EPSTI1: variants seen among roughly 807,000 people sequenced by gnomAD.
EPSTI1 encodes the protein epithelial stromal interaction 1, also known as epithelial-stromal interaction protein 1.
Under a neutral mutation model 49.9 loss-of-function variants are expected in EPSTI1, and 66 were observed. The observed-to-expected ratio is 1.32, with a 90% confidence interval of 1.08 to 1.62. The LOEUF (loss-of-function observed/expected upper bound fraction) is 1.62, where lower values mean the gene tolerates loss of function less well. Among genes scored for constraint, EPSTI1 ranks in the 40% most tolerant of loss-of-function variants. The probability of loss-of-function intolerance (pLI) is 0.00; values close to 1 mark genes in which losing one functional copy is unlikely to be tolerated. For missense variants in EPSTI1, 394 were observed against 365.5 expected (o/e 1.08, Z -0.64); for synonymous variants, 137 against 130.7 (o/e 1.05, Z -0.33).
intron 9 of EPSTI1, among the ~76,000 whole-genome samples, chr13:42,900,027 T>C (rs1200559545): frequency 6.6e-6 from 1 of 152,182 alleles, no homozygotes; most frequent in African/African-American, 2.4e-5. Context: ...AAATTAAATA[T>C]ACCTTAATTG....
At chr13:42,906,345 CAA>C (rs2037498686) in intron 8 of EPSTI1, among the ~76,000 whole-genome samples, 1 of 152,144 alleles carries the variant, frequency 6.6e-6, no homozygotes, top group Non-Finnish European at 1.5e-5. Flanking sequence ...TGCTCCAAAG[CAA>C]AGTTTCAGTG....
Position 42,931,072 on chromosome 13 carries a change from C to T in EPSTI1, c.564-4643G>A, listed in dbSNP as rs564548779. ...ATGTATGGGCCAGGCTGAAGTGATC[C>T]ACATCAATAACCTCTCACAGCATTC... On this transcript the variant is annotated intron_variant, in intron 6 of 10. Transcript: ENST00000313624. 3.3e-5 allele frequency among the ~76,000 whole-genome samples: 5 copies of T among 152,300 alleles called. No homozygotes were observed. In the East Asian group the frequency reaches 7.7e-4, roughly 23 times the overall value.
At chr13:42,902,512 C>T (rs1038400420) in intron 8 of EPSTI1, among the ~76,000 whole-genome samples, 1 of 152,110 alleles carries the variant, frequency 6.6e-6, no homozygotes, top group African/African-American at 2.4e-5. Context: ...TTCTTTTGCT[C>T]TTGTTGGCTT....
intron 6 of EPSTI1, among the ~76,000 whole-genome samples, chr13:42,944,664 A>G (rs1054251097): frequency 3.3e-5 from 5 of 152,200 alleles, no homozygotes; most frequent in Admixed American, 2.6e-4. Context: ...AAATTAAAGT[A>G]TGATAAAAAA....
intron 7 of EPSTI1, among the ~76,000 whole-genome samples, chr13:42,919,080 G>A (rs1028927883): frequency 1.3e-5 from 2 of 152,172 alleles, no homozygotes; most frequent in African/African-American, 4.8e-5. Context: ...CAACTTGAAT[G>A]AGAGTATCTA....
At chr13:42,974,384 G>C (rs186316021) in intron 1 of EPSTI1, among the ~76,000 whole-genome samples, 2,623 of 152,132 alleles carry the variant, frequency 0.017, 76 homozygotes, top group African/African-American at 0.06. Flanking sequence ...CTGGCCGGGC[G>C]CGGTGGCTCA....
At chr13:42,939,470 T>C (rs1467650107) in intron 6 of EPSTI1, among the ~76,000 whole-genome samples, 1 of 152,168 alleles carries the variant, frequency 6.6e-6, no homozygotes, top group African/African-American at 2.4e-5. Context: ...TTATGGGCCA[T>C]TGTAGGGTTA....
chr13:42,895,408 C>T (rs1333641062), intron 9 of EPSTI1, among the ~76,000 whole-genome samples: 2 of 151,644 alleles, frequency 1.3e-5, no homozygotes, highest in South Asian at 2.1e-4. Flanking sequence ...AACTACAGCC[C>T]TCAGAATCAT....
chr13:42,989,848 C>A (rs2040162722), intron 1 of EPSTI1, among the ~76,000 whole-genome samples: 1 of 151,942 alleles, frequency 6.6e-6, no homozygotes, highest in Non-Finnish European at 1.5e-5. Context: ...CCTCCTCGGC[C>A]TCCCAAAGTG....
intron 6 of EPSTI1, among the ~76,000 whole-genome samples, chr13:42,930,561 G>A (rs1176071269): frequency 6.6e-6 from 1 of 152,190 alleles, no homozygotes; most frequent in Non-Finnish European, 1.5e-5. Flanking sequence ...ACATGAAAGT[G>A]AGTAGTAATG....
rs1594591160 is a variant in EPSTI1, at chr13:42,888,203, C to T, written c.*291G>A. On this transcript the variant is annotated 3_prime_UTR_variant, in exon 11 of 11. Coordinates refer to ENST00000313624, the MANE Select transcript of EPSTI1 (RefSeq NM_033255.5). ...TGATTAACCTGAAAGCATCAAGTGA[C>T]TCCCTCTTTTTCTACCCTACCAACA... The T allele has an allele frequency of 1.9e-6, 3 of 1,598,698 alleles. No individual in the cohort carries two copies. Among genetic ancestry groups the T allele is most frequent in the Non-Finnish European group, 2.6e-6 (3 of 1,170,356 alleles).
intron 8 of EPSTI1, among the ~76,000 whole-genome samples, chr13:42,906,437 T>A (rs1020129084): frequency 5.9e-5 from 9 of 152,322 alleles, no homozygotes; most frequent in African/African-American, 2.2e-4. Context: ...TGGTTCAGCT[T>A]GACTGCTTTA....
At chr13:42,950,975 G>A (rs2039077761) in intron 6 of EPSTI1, among the ~76,000 whole-genome samples, 1 of 152,156 alleles carries the variant, frequency 6.6e-6, no homozygotes, top group African/African-American at 2.4e-5. Context: ...TGGCCAACAT[G>A]GTGAAACCCT....
chr13:42,919,652 A>G (rs909431615), intron 7 of EPSTI1, among the ~76,000 whole-genome samples: 4 of 152,242 alleles, frequency 2.6e-5, no homozygotes, highest in African/African-American at 9.6e-5. Context: ...GTTACAGTAC[A>G]GCATGATAGG....
intron 6 of EPSTI1, among the ~76,000 whole-genome samples, chr13:42,926,754 C>T (rs1460105727): frequency 2.0e-5 from 3 of 152,144 alleles, no homozygotes; most frequent in East Asian, 3.9e-4. Flanking sequence ...GCCCTAATTT[C>T]CTATCTGAAC....
intron 1 of EPSTI1, among the ~76,000 whole-genome samples, chr13:42,982,005 T>C (rs1285512048): frequency 6.6e-6 from 1 of 152,200 alleles, no homozygotes; most frequent in Non-Finnish European, 1.5e-5. Context: ...AGATAACTGC[T>C]CTAATGTCAG....
At chr13:42,969,266 A>G (rs2039706905) in intron 2 of EPSTI1, 89 bp from the exon 3 acceptor site, 1 of 1,284,052 alleles carries the variant, frequency 7.8e-7, no homozygotes, top group African/African-American at 1.5e-5. Flanking sequence ...AACTATTAGA[A>G]GGCAATTAAC....
chr13:42,959,952 T>C (rs1348879694), intron 5 of EPSTI1, among the ~76,000 whole-genome samples: 1 of 152,212 alleles, frequency 6.6e-6, no homozygotes. Context: ...CAATATAGTA[T>C]AACAACTATT....
intron 1 of EPSTI1, among the ~76,000 whole-genome samples, chr13:42,983,277 A>T (rs560401766): frequency 6.6e-6 from 1 of 152,276 alleles, no homozygotes; most frequent in African/African-American, 2.4e-5. Flanking sequence ...ATATAAAACA[A>T]TGATAGGGCT....
Sources: gnomAD v4.1 joint callset for allele counts (sites outside exome capture counted in the v4.1 genomes callset) on GRCh38, gnomAD v4.1.1 for gene constraint, MANE v1.5 for transcripts, NCBI Gene and HGNC (gene_info 2026-07-23, HGNC 2026-07-21) for gene names.